NAV3: variants seen among roughly 807,000 people sequenced by gnomAD.
The protein encoded by NAV3 is pore membrane and/or filament interacting like protein 1.
Under a neutral mutation model 244.7 loss-of-function variants are expected in NAV3, and 87 were observed. That is an observed-to-expected ratio of 0.36 (90% CI 0.30 to 0.42). The LOEUF is 0.42. NAV3 is among the 20% of genes least tolerant of loss of function. The probability of loss-of-function intolerance (pLI) is 1.00; values close to 1 mark genes in which losing one functional copy is unlikely to be tolerated. For synonymous variants in NAV3, 1,126 were observed against 1,042.2 expected (o/e 1.08, Z -1.55); for missense variants, 2,663 against 2,893.3 (o/e 0.92, Z 1.83).
chr12:78,110,360 C>T (rs1245508956), intron 12 of NAV3, among the ~76,000 whole-genome samples: 1 of 152,064 alleles, frequency 6.6e-6, no homozygotes, highest in African/African-American at 2.4e-5. Context: ...GACCATACTT[C>T]CCAAAGCAAT....
chr12:78,127,340 G>A (rs1955956422), intron 17 of NAV3, 132 bp downstream of exon 17: 1 of 861,844 alleles, frequency 1.2e-6, no homozygotes, highest in Non-Finnish European at 1.8e-6. Flanking sequence ...TAATTTTGAT[G>A]GTTTCTCTGG....
At chr12:77,805,118 G>A (rs1289849822) in intron 2 of NAV3, among the ~76,000 whole-genome samples, 1 of 152,172 alleles carries the variant, frequency 6.6e-6, no homozygotes, top group Non-Finnish European at 1.5e-5. Context: ...TGCAAACAGA[G>A]ACAATTTGAC....
intron 1 of NAV3, among the ~76,000 whole-genome samples, chr12:77,912,845 C>T (rs1238549324): frequency 3.3e-5 from 5 of 152,104 alleles, no homozygotes; most frequent in Admixed American, 6.6e-5. Context: ...CTCCTGACCT[C>T]ACGTGATCCA....
chr12:77,978,627 T>A (rs12830851), intron 5 of NAV3, among the ~76,000 whole-genome samples: 2 of 151,930 alleles, frequency 1.3e-5, no homozygotes, highest in African/African-American at 4.8e-5. Context: ...TATTCATCTG[T>A]TTTCTACTAA....
chr12:77,743,255 T>C (rs184416807), intron 2 of NAV3, among the ~76,000 whole-genome samples: 46 of 152,086 alleles, frequency 3.0e-4, no homozygotes, highest in African/African-American at 1.0e-3. Context: ...AAATATGTGT[T>C]GAATGACGGT....
intron 3 of NAV3, among the ~76,000 whole-genome samples, chr12:77,957,718 G>A (rs1482456548): frequency 6.6e-6 from 1 of 152,184 alleles, no homozygotes; most frequent in South Asian, 2.1e-4. Context: ...TGGCTGGAGT[G>A]TAGTGGGGTG....
chr12:78,181,105 G>A, intron 30 of NAV3, 60 bp downstream of exon 30: 5 of 1,526,946 alleles, frequency 3.3e-6, no homozygotes, highest in Non-Finnish European at 4.5e-6. Flanking sequence ...CGGGTGGGAA[G>A]CCTGGAATTT....
At chr12:77,979,295 G>A (rs1869098561) in intron 5 of NAV3, among the ~76,000 whole-genome samples, 1 of 151,720 alleles carries the variant, frequency 6.6e-6, no homozygotes, top group Non-Finnish European at 1.5e-5. Flanking sequence ...GGGAGGTTGA[G>A]GTGGGAGGAT....
chr12:77,915,067 A>G (rs150287145), intron 1 of NAV3, among the ~76,000 whole-genome samples: 5 of 152,042 alleles, frequency 3.3e-5, no homozygotes, highest in African/African-American at 1.2e-4. Flanking sequence ...ACGTTAACAA[A>G]ATCTGAATGT....
chr12:78,097,826 T>C (rs184598740), intron 12 of NAV3, among the ~76,000 whole-genome samples: 1 of 152,282 alleles, frequency 6.6e-6, no homozygotes. Context: ...TTTTTTATTT[T>C]TACATAACGT....
chr12:78,194,926 A>G (rs1328866199), intron 34 of NAV3, among the ~76,000 whole-genome samples: 5 of 152,086 alleles, frequency 3.3e-5, no homozygotes, highest in African/African-American at 1.2e-4. Context: ...GCTACAATCA[A>G]TCTTTACATA....
At chr12:77,789,039 C>T (rs1871040893) in intron 2 of NAV3, among the ~76,000 whole-genome samples, 1 of 152,168 alleles carries the variant, frequency 6.6e-6, no homozygotes, top group African/African-American at 2.4e-5. Context: ...TTAACAAAGA[C>T]TCTTCTACGT....
intron 5 of NAV3, among the ~76,000 whole-genome samples, chr12:77,971,678 G>A (rs570736567): frequency 1.3e-5 from 2 of 152,180 alleles, no homozygotes; most frequent in East Asian, 3.9e-4. Flanking sequence ...CTGGAGGTGT[G>A]AGTCATAAAT....
intron 1 of NAV3, among the ~76,000 whole-genome samples, chr12:77,893,125 G>A (rs917695702): frequency 3.3e-5 from 5 of 151,998 alleles, no homozygotes; most frequent in African/African-American, 1.2e-4. Flanking sequence ...TACTTGCATA[G>A]CATGTAAAGG....
chr12:77,748,106 G>T (rs1375988944), intron 2 of NAV3, among the ~76,000 whole-genome samples: 1 of 152,214 alleles, frequency 6.6e-6, no homozygotes, highest in Non-Finnish European at 1.5e-5. Flanking sequence ...AAAGTAGCAT[G>T]TGAATATAAC....
At chr12:77,896,589 A>T (rs1334720320) in intron 1 of NAV3, among the ~76,000 whole-genome samples, 1 of 152,162 alleles carries the variant, frequency 6.6e-6, no homozygotes, top group African/African-American at 2.4e-5. Flanking sequence ...GAATATGGAA[A>T]AATATTTCTC....
intron 12 of NAV3, among the ~76,000 whole-genome samples, chr12:78,102,575 A>G (rs1954589735): frequency 6.6e-6 from 1 of 151,862 alleles, no homozygotes; most frequent in African/African-American, 2.4e-5. Context: ...TCCAGTAGAG[A>G]CTCTGTGGGG....
chr12:78,025,677 C>G (rs915960146), intron 9 of NAV3, among the ~76,000 whole-genome samples: 1 of 151,428 alleles, frequency 6.6e-6, no homozygotes, highest in East Asian at 1.9e-4. Flanking sequence ...GTTTGGATCC[C>G]AGGGGCAGAT....
At chr12:77,875,108 A>G (rs2136515197) in intron 1 of NAV3, among the ~76,000 whole-genome samples, 1 of 152,228 alleles carries the variant, frequency 6.6e-6, no homozygotes, top group South Asian at 2.1e-4. Flanking sequence ...ACTTGCTTTT[A>G]TGCAAAAGAA....
Sources: allele counts gnomAD v4.1 joint callset (sites outside exome capture counted in the v4.1 genomes callset), GRCh38; gene constraint gnomAD v4.1.1; transcripts MANE v1.5; gene names NCBI Gene and HGNC (gene_info 2026-07-23, HGNC 2026-07-21).